Variants in DOK6 observed in about 807,000 individuals in gnomAD.
The protein encoded by DOK6 is downstream of tyrosine kinase 6.
A neutral mutation model predicts 44.0 loss-of-function variants in DOK6; 22 were observed. The observed-to-expected ratio is 0.50, with a 90% CI of 0.36 to 0.71. DOK6 has a LOEUF of 0.71. Ranked by LOEUF, DOK6 falls within the 30% of genes least tolerant of loss-of-function variation. The probability of loss-of-function intolerance (pLI) is 0.00; values close to 1 mark genes in which losing one functional copy is unlikely to be tolerated. For missense variants in DOK6, 340 were observed against 416.4 expected (o/e 0.82, Z 1.60); for synonymous variants, 166 against 145.5 (o/e 1.14, Z -1.01).
intron 1 of DOK6, among the ~76,000 whole-genome samples, chr18:69,463,168 G>A (rs1056740630): frequency 6.6e-5 from 10 of 152,062 alleles, no homozygotes; most frequent in Non-Finnish European, 1.2e-4. Context: ...CTGTGTCCTC[G>A]CCATGGTGGA....
At chr18:69,505,427 G>A (rs551852488) in intron 1 of DOK6, among the ~76,000 whole-genome samples, 95 of 151,604 alleles carry the variant, frequency 6.3e-4, no homozygotes, top group Non-Finnish European at 1.1e-3. Context: ...GTGGTGGAGC[G>A]GTTACAAATC....
At chr18:69,581,633 T>C (rs1171993707) in intron 2 of DOK6, among the ~76,000 whole-genome samples, 1 of 152,184 alleles carries the variant, frequency 6.6e-6, no homozygotes, top group Non-Finnish European at 1.5e-5. Flanking sequence ...AGGCATGGGA[T>C]ATAATTTAAT....
intron 4 of DOK6, among the ~76,000 whole-genome samples, chr18:69,680,341 G>A (rs1008258938): frequency 1.3e-5 from 2 of 152,174 alleles, no homozygotes; most frequent in Non-Finnish European, 2.9e-5. Flanking sequence ...TCCCCTTAAA[G>A]GAAGTTCCTT....
Position 69,837,500 on chromosome 18 carries a change from A to G in DOK6, c.857-3744A>G, listed in dbSNP as rs542235456. On this transcript the variant is annotated intron_variant, in intron 7 of 7. Transcript: ENST00000382713. ...TAAGCTATCAACACACAAACTTTGG[A>G]GGACAAATGTGAACCAATTACCAGT... 5.9e-5 allele frequency among the ~76,000 whole-genome samples: 9 copies of G among 151,924 alleles called. No individual in the cohort carries two copies. The South Asian group carries it at 1.9e-3, about 32-fold the overall frequency.
At chr18:69,617,328 A>AAAAG (rs34477258) in intron 3 of DOK6, among the ~76,000 whole-genome samples, 35,679 of 148,686 alleles carry the variant, frequency 0.24, 4,685 homozygotes, top group Middle Eastern at 0.4. Context: ...AGAGAGAAAG[A>AAAAG]AAAGAAAGAA....
intron 1 of DOK6, among the ~76,000 whole-genome samples, chr18:69,480,414 C>T (rs973355961): frequency 1.6e-4 from 25 of 152,000 alleles, no homozygotes; most frequent in African/African-American, 5.6e-4. Flanking sequence ...TTTTTATTTG[C>T]TAGTTACATA....
At chr18:69,441,877 A>G (rs1979146520) in intron 1 of DOK6, among the ~76,000 whole-genome samples, 1 of 152,134 alleles carries the variant, frequency 6.6e-6, no homozygotes, top group Non-Finnish European at 1.5e-5. Flanking sequence ...GGAGGAGACA[A>G]TAAGGCATTT....
intron 3 of DOK6, among the ~76,000 whole-genome samples, chr18:69,621,095 A>G (rs1323847252): frequency 6.6e-6 from 1 of 152,042 alleles, no homozygotes; most frequent in African/African-American, 2.4e-5. Context: ...GGTTGAATGC[A>G]TTCTGATTTT....
At chr18:69,415,681 C>T (rs1978328247) in intron 1 of DOK6, among the ~76,000 whole-genome samples, 1 of 151,994 alleles carries the variant, frequency 6.6e-6, no homozygotes, top group South Asian at 2.1e-4. Context: ...TCCAAGGATG[C>T]ATTATGTCAT....
At chr18:69,607,744 C>G (rs965286182) in intron 3 of DOK6, among the ~76,000 whole-genome samples, 8 of 152,038 alleles carry the variant, frequency 5.3e-5, no homozygotes, top group African/African-American at 1.7e-4. Context: ...TAGGGAGAGA[C>G]CTTCTTTATA....
intron 3 of DOK6, 40 bp from the exon 4 acceptor site, chr18:69,677,694 G>C: frequency 6.2e-7 from 1 of 1,610,820 alleles, no homozygotes; most frequent in Non-Finnish European, 8.5e-7. Flanking sequence ...ATCATTCCTA[G>C]GGAGCATTGC....
intron 7 of DOK6, among the ~76,000 whole-genome samples, chr18:69,765,694 C>T (rs1034926642): frequency 1.3e-5 from 2 of 151,992 alleles, no homozygotes; most frequent in Non-Finnish European, 2.9e-5. Context: ...AGATGTTACC[C>T]CTAGAGGTTA....
chr18:69,469,936 CT>C, intron 1 of DOK6: 1 of 209,696 alleles, frequency 4.8e-6, no homozygotes, highest in Non-Finnish European at 1.0e-5. Flanking sequence ...GGGCTCCAAC[CT>C]TATCTCATCG....
chr18:69,566,232 G>T (rs367824898), intron 2 of DOK6, among the ~76,000 whole-genome samples: 1 of 151,780 alleles, frequency 6.6e-6, no homozygotes, highest in East Asian at 1.9e-4. Flanking sequence ...CCGCCTTCGG[G>T]TTCACACCAT....
At chr18:69,768,529 C>T (rs1979787986) in intron 7 of DOK6, among the ~76,000 whole-genome samples, 1 of 151,288 alleles carries the variant, frequency 6.6e-6, no homozygotes, top group African/African-American at 2.4e-5. Context: ...TCATCTCTGT[C>T]TCTGGCCCTT....
chr18:69,442,211 C>G (rs1312203133), intron 1 of DOK6, among the ~76,000 whole-genome samples: 1 of 152,040 alleles, frequency 6.6e-6, no homozygotes, highest in African/African-American at 2.4e-5. Context: ...TATTTGAAAG[C>G]ATATTTTATG....
chr18:69,567,297 T>C (rs1412890081), intron 2 of DOK6, among the ~76,000 whole-genome samples: 3 of 152,112 alleles, frequency 2.0e-5, no homozygotes, highest in Admixed American at 6.5e-5. Context: ...AATGTAAATA[T>C]GTAATAAATG....
intron 1 of DOK6, among the ~76,000 whole-genome samples, chr18:69,461,631 C>A (rs937407336): frequency 6.6e-6 from 1 of 152,192 alleles, no homozygotes; most frequent in East Asian, 1.9e-4. Flanking sequence ...TCTCACCCCA[C>A]TTTTATTCCA....
chr18:69,532,359 T>C (rs1568287926), intron 1 of DOK6, among the ~76,000 whole-genome samples: 1 of 152,220 alleles, frequency 6.6e-6, no homozygotes, highest in Non-Finnish European at 1.5e-5. Context: ...TCTATTTTTA[T>C]GATTCTGCAT....
Sources: gnomAD v4.1 joint callset for allele counts (sites outside exome capture counted in the v4.1 genomes callset) on GRCh38, gnomAD v4.1.1 for gene constraint, MANE v1.5 for transcripts, NCBI Gene and HGNC (gene_info 2026-07-23, HGNC 2026-07-21) for gene names.